FBRSL1: variants seen among roughly 807,000 people sequenced by gnomAD.
The protein encoded by FBRSL1 is fibrosin like 1.
A neutral mutation model predicts 89.6 loss-of-function variants in FBRSL1; 51 were observed. The ratio of observed to expected loss-of-function variants is 0.57; its 90% CI spans 0.45 to 0.72. FBRSL1 has a LOEUF of 0.72. Among genes scored for constraint, FBRSL1 ranks in the 30% least tolerant of loss-of-function variants. The pLI is 0.00. For missense variants in FBRSL1, 1,618 were observed against 1,451.8 expected (o/e 1.11, Z -1.86); for synonymous variants, 779 against 681.1 (o/e 1.14, Z -2.24).
At chr12:132,491,111 C>G (rs926601050) in intron 1 of FBRSL1, among the ~76,000 whole-genome samples, 1 of 152,232 alleles carries the variant, frequency 6.6e-6, no homozygotes, top group African/African-American at 2.4e-5. Flanking sequence ...GCAAAAAAAT[C>G]TACGCTTCGA....
chr12:132,576,852 C>G lies in FBRSL1; in HGVS notation c.1755C>G (p.Phe585Leu). The change falls in exon 15 of 19, where the codon TTC becomes TTG. Residue 585 changes from phenylalanine (F) to leucine (L), a missense_variant. Phe to Leu is a conservative substitution (Grantham distance 22, BLOSUM62 0). Coordinates refer to ENST00000680143, the MANE Select transcript of FBRSL1 (RefSeq NM_001367871.1). Reference sequence around the variant, plus strand: ...AGGTGGGTGCAAAGCTGGACCTGTTCGGCAGACCCCCTGCCCCGGGCGTGT... The same window carrying G: ...AGGTGGGTGCAAAGCTGGACCTGTTGGGCAGACCCCCTGCCCCGGGCGTGT... The part of the protein sequence containing the change: ...KLEVGAKLDL[F>L]GRPPAPGVFA... 2 of 1,550,978 alleles carry G rather than the reference C, an allele frequency of 1.3e-6. No homozygotes were observed. Among genetic ancestry groups the G allele is most frequent in the Non-Finnish European group, 1.7e-6 (2 of 1,146,912 alleles).
At chr12:132,580,833 G>A (rs2040695014) in intron 15 of FBRSL1, 3 of 985,466 alleles carry the variant, frequency 3.0e-6, no homozygotes, top group Non-Finnish European at 3.6e-6. Flanking sequence ...GACGGCCCCT[G>A]ACCAACAGCA....
chr12:132,522,320 G>A (rs2035429383), intron 2 of FBRSL1, among the ~76,000 whole-genome samples: 1 of 147,242 alleles, frequency 6.8e-6, no homozygotes. Flanking sequence ...CAGAGGCAGT[G>A]ATTTTTGGAC....
intron 2 of FBRSL1, chr12:132,511,695 G>T: frequency 1.0e-6 from 1 of 985,464 alleles, no homozygotes; most frequent in Non-Finnish European, 1.2e-6. Context: ...AAGGGGATGG[G>T]TGTCCCTGGC....
rs997245242 is a variant in FBRSL1 at position 132,499,875 on chromosome 12, T to C, written c.292-8278T>C. Among the ~76,000 whole-genome samples, 9 of 152,242 alleles carry C rather than the reference T, an allele frequency of 5.9e-5. No homozygotes were observed. The highest frequency in any genetic ancestry group is 8.8e-5 in the Non-Finnish European group (6 of 67,990). On this transcript the variant is annotated intron_variant, in intron 1 of 18. Transcript: ENST00000680143. This position sits in a 1 kb window ranked among gnomAD's most constrained non-coding sequence, Gnocchi z 4.3. ...GAACGGCCTCTGAGCCCCAGCTCCG[T>C]TGGCGCAGCAGAGCTGTGCTGATCT...
rs371001973 is a variant in FBRSL1, at chr12:132,528,273, T to C, written c.615+285T>C. 1.7e-3 allele frequency among the ~76,000 whole-genome samples: 261 copies of C among 152,016 alleles called. 5 individuals are homozygous for C. In the South Asian group the frequency reaches 0.052, roughly 31 times the overall value. On this transcript the variant is annotated intron_variant, in intron 4 of 18. Transcript: ENST00000680143. Reference sequence around the variant, plus strand: ...CGGGCTGGCCCTGTGGCTGTGGCCTTGCCAGGAGCCTCAGAGTAGTCAGCC... The same window carrying C: ...CGGGCTGGCCCTGTGGCTGTGGCCTCGCCAGGAGCCTCAGAGTAGTCAGCC...
rs555665082 is a variant in FBRSL1 at position 132,490,782 on chromosome 12, G to T, written c.212G>T (p.Arg71Leu). ...ACCGCGCGTCCCCCGCGCCGCCGCC[G>T]CCGCGAGTCCAGCTCGCAGGAGGAG... ...PRTARPPRRR[R>L]RESSSQEEEV... The change falls in exon 1 of 19, where the codon CGC (arginine) becomes CTC (leucine). Residue 71 changes from arginine (R) to leucine (L), a missense_variant. Transcript: ENST00000680143. The T allele has an allele frequency of 8.1e-7, 1 of 1,229,374 alleles. No homozygotes were observed. Among genetic ancestry groups the T allele is most frequent in the Non-Finnish European group, 1.0e-6 (1 of 983,914 alleles). 76.2% of individuals were successfully genotyped at this position (1,229,374 alleles called of 1,614,324 possible).
intron 15 of FBRSL1, among the ~76,000 whole-genome samples, chr12:132,580,413 C>G (rs952089306): frequency 1.6e-4 from 22 of 138,308 alleles, no homozygotes; most frequent in African/African-American, 5.9e-4. Context: ...TTTAAAGGAG[C>G]AGCTCTGACC....
intron 4 of FBRSL1, among the ~76,000 whole-genome samples, chr12:132,543,725 C>T (rs1454693664): frequency 6.6e-6 from 1 of 152,234 alleles, no homozygotes; most frequent in Non-Finnish European, 1.5e-5. Context: ...AGGTGCTAAG[C>T]ATCCCCACCG....
At chr12:132,534,631 C>T (rs747228686) in intron 4 of FBRSL1, among the ~76,000 whole-genome samples, 4 of 152,250 alleles carry the variant, frequency 2.6e-5, no homozygotes, top group Non-Finnish European at 5.9e-5. Flanking sequence ...AGGCTCAGCC[C>T]GGGTGGCTCC....
intron 4 of FBRSL1, among the ~76,000 whole-genome samples, chr12:132,544,579 T>C (rs2037526168): frequency 6.6e-6 from 1 of 152,138 alleles, no homozygotes; most frequent in African/African-American, 2.4e-5. Flanking sequence ...GTGAGGACGA[T>C]GACCTGATGG....
intron 1 of FBRSL1, among the ~76,000 whole-genome samples, chr12:132,492,065 A>G (rs893506661): frequency 6.6e-6 from 1 of 152,144 alleles, no homozygotes; most frequent in Admixed American, 6.5e-5. Flanking sequence ...CTGCCCTCTC[A>G]GTGGTGATAA....
At position 132,490,748 on chromosome 12, in the gene FBRSL1, G is replaced by C. The variant is rs1370325822; in HGVS notation, c.178G>C (p.Ala60Pro). ...RGAPPRGAAPAPRTARPPRRR... is the reference protein window; with the variant it reads ...RGAPPRGAAPPPRTARPPRRR... The stretch of plus-strand genomic sequence containing the variant: ...CGCGCCCCCCCGAGGCGCCGCCCCC[G>C]CGCCCCGCACCGCGCGTCCCCCGCG... The change falls in exon 1 of 19, where the codon GCG becomes CCG. Residue 60 changes from alanine to proline, a missense_variant. Ala to Pro is a conservative substitution (Grantham distance 27). Transcript: ENST00000680143. 9.6e-7 allele frequency: 1 copy of C among 1,045,238 alleles called. No individual in the cohort carries two copies. The highest frequency in any genetic ancestry group is 1.7e-5 in the African/African-American group (1 of 57,966). The allele number at this position is 1,045,238 out of a possible 1,614,324, so 64.7% of individuals were successfully genotyped here. A position where few individuals can be genotyped will look rare whatever the true frequency, so the allele number is the denominator to read the frequency against.
At chr12:132,557,132 C>T (rs1464884238) in intron 5 of FBRSL1, among the ~76,000 whole-genome samples, 2 of 152,178 alleles carry the variant, frequency 1.3e-5, no homozygotes, top group African/African-American at 4.8e-5. Context: ...CCAGCACCTT[C>T]CCATGCCTTC....
intron 4 of FBRSL1, among the ~76,000 whole-genome samples, chr12:132,536,931 G>C (rs931177962): frequency 3.9e-5 from 6 of 152,248 alleles, no homozygotes; most frequent in Admixed American, 1.3e-4. Context: ...ATGTATATGT[G>C]ATCATGTTGT....
At chr12:132,526,266 G>C (rs1367346559) in intron 3 of FBRSL1, among the ~76,000 whole-genome samples, 1 of 152,212 alleles carries the variant, frequency 6.6e-6, no homozygotes, top group Admixed American at 6.5e-5. Flanking sequence ...GGAGGTTTCT[G>C]CTGACTGGAA....
At position 132,556,326 on chromosome 12, in the gene FBRSL1, T is replaced by A. The variant is rs148029442; in HGVS notation, c.645+8294T>A. Among the ~76,000 whole-genome samples the A allele has an allele frequency of 6.0e-3, 912 of 152,232 alleles. 4 individuals carry two copies. Among genetic ancestry groups the A allele is most frequent in the Middle Eastern group, 0.014 (4 of 292 alleles). On this transcript the variant is annotated intron_variant, in intron 5 of 18. Transcript: ENST00000680143. ...GCACACCTCTGCGACAGACAGAACC[T>A]CAGAGTCGTTCCATGGCAAAGCCAC...
chr12:132,544,822 A>G (rs12812437), intron 4 of FBRSL1, among the ~76,000 whole-genome samples: 58,352 of 151,382 alleles, frequency 0.39, 11,572 homozygotes, highest in Non-Finnish European at 0.43. Flanking sequence ...GATGATGGTG[A>G]AAATGGTGGT....
intron 4 of FBRSL1, among the ~76,000 whole-genome samples, chr12:132,539,083 G>A (rs2036998232): frequency 6.6e-6 from 1 of 151,930 alleles, no homozygotes; most frequent in South Asian, 2.1e-4. Flanking sequence ...CAGCAGGTGG[G>A]TCTGTGGCGA....
Sources: gnomAD v4.1 joint callset for allele counts (sites outside exome capture counted in the v4.1 genomes callset) on GRCh38, gnomAD v4.1.1 for gene constraint, Gnocchi (gnomAD v3.1) non-coding constraint, MANE v1.5 for transcripts, NCBI Gene and HGNC (gene_info 2026-07-23, HGNC 2026-07-21) for gene names.